The following KNDC1 variants were observed in gnomAD, a reference collection of about 807,000 sequenced individuals.
The protein encoded by KNDC1 is kinase non-catalytic C-lobe domain-containing protein 1.
KNDC1 carries 106 observed loss-of-function variants against 172.8 expected under a neutral mutation model. The observed-to-expected ratio is 0.61, with a 90% CI of 0.52 to 0.72. The LOEUF is 0.72. Ranked by LOEUF, KNDC1 falls within the 30% of genes least tolerant of loss-of-function variation. KNDC1 has a pLI of 0.00. For missense variants in KNDC1, 2,325 were observed against 2,394.5 expected (o/e 0.97, Z 0.61); for synonymous variants, 1,083 against 1,062.2 (o/e 1.02, Z -0.38).
At chr10:133,205,752 T>G (rs1168828343) in intron 17 of KNDC1, among the ~76,000 whole-genome samples, 22 of 152,084 alleles carry the variant, frequency 1.4e-4, no homozygotes, top group Admixed American at 1.4e-3. Context: ...GAGAAATGCT[T>G]GAACCCAGGG....
At chr10:133,205,635 A>G (rs2136010536) in intron 17 of KNDC1, among the ~76,000 whole-genome samples, 1 of 152,360 alleles carries the variant, frequency 6.6e-6, no homozygotes, top group East Asian at 1.9e-4. Flanking sequence ...TCGTCTGCAC[A>G]GGCCAGCTGG....
At position 133,209,743 on chromosome 10, in the gene KNDC1, G is replaced by A. The variant is rs1467354072; in HGVS notation, c.3795-868G>A. ...ACCTTTGCAGGGCAGCCTGGGGCTG[G>A]GGCTGTGGCCACCTGTGTCCTCGGA... On this transcript the variant is annotated intron_variant, in intron 20 of 29. Coordinates refer to ENST00000304613, the MANE Select transcript of KNDC1 (RefSeq NM_152643.8). This position sits in a 1 kb window ranked among gnomAD's most constrained non-coding sequence, Gnocchi z 4.9. Among the ~76,000 whole-genome samples the A allele has an allele frequency of 6.6e-6, 1 of 152,040 alleles. No individual in the cohort carries two copies. Among genetic ancestry groups the A allele is most frequent in the Non-Finnish European group, 1.5e-5 (1 of 67,978 alleles).
At chr10:133,190,209 G>T (rs756828554) in intron 9 of KNDC1, among the ~76,000 whole-genome samples, 1 of 152,080 alleles carries the variant, frequency 6.6e-6, no homozygotes, top group African/African-American at 2.4e-5. Flanking sequence ...TGTACTTCCC[G>T]CTCCTCCCAC....
At chr10:133,199,688 T>C in intron 15 of KNDC1, 86 bp downstream of exon 15, 2 of 1,476,408 alleles carry the variant, frequency 1.4e-6, no homozygotes, top group Non-Finnish European at 1.9e-6. Flanking sequence ...GGCCCAGCCT[T>C]CCCCTCCCAA....
rs778497236 is a variant in KNDC1 at position 133,183,407 on chromosome 10, C to G, written c.424C>G (p.Leu142Val). Residue 142 changes from leucine to valine, a missense_variant, in exon 4 of 30, where the codon CTG (leucine) becomes GTG (valine). Leu to Val is a conservative substitution (Grantham distance 32). Coordinates refer to ENST00000304613, the MANE Select transcript of KNDC1 (RefSeq NM_152643.8). Reference protein sequence around the residue: ...AALEYVAEPTLEPRLSQDLEA... With the variant: ...AALEYVAEPTVEPRLSQDLEA... Reference sequence around the variant, plus strand: ...CCTCGAGTACGTGGCAGAGCCCACACTGGAACCCAGGCTGAGCCAAGACCT... The same window carrying G: ...CCTCGAGTACGTGGCAGAGCCCACAGTGGAACCCAGGCTGAGCCAAGACCT... The G allele has an allele frequency of 1.9e-6, 3 of 1,603,514 alleles. No individual in the cohort carries two copies. The highest frequency in any genetic ancestry group is 1.3e-5 in the African/African-American group (1 of 74,860).
intron 3 of KNDC1, among the ~76,000 whole-genome samples, chr10:133,180,393 G>A (rs1853681604): frequency 6.6e-6 from 1 of 152,244 alleles, no homozygotes; most frequent in Non-Finnish European, 1.5e-5. Context: ...CAGAGACCTG[G>A]AGATGTGAGG....
chr10:133,188,832 G>A (rs1238611565), intron 7 of KNDC1, among the ~76,000 whole-genome samples, 179 bp downstream of exon 7: 2 of 150,894 alleles, frequency 1.3e-5, no homozygotes, highest in Admixed American at 6.6e-5. Flanking sequence ...AGGGACCCAG[G>A]GGCAGCCAGG....
At chr10:133,189,513 AC>A in intron 7 of KNDC1, 84 bp from the exon 8 acceptor site, 1 of 1,332,938 alleles carries the variant, frequency 7.5e-7, no homozygotes, top group East Asian at 2.4e-5. Context: ...GCCCGGCCTG[AC>A]TGAGGCTCCG....
chr10:133,162,971 A>G (rs1426797646), intron 1 of KNDC1, among the ~76,000 whole-genome samples: 1 of 152,232 alleles, frequency 6.6e-6, no homozygotes, highest in African/African-American at 2.4e-5. Context: ...CAGTACAGGC[A>G]AAGAACCACC....
Position 133,224,957 on chromosome 10 carries a change from G to C in KNDC1, c.*67G>C, listed in dbSNP as rs1289227480. 4.6e-5 allele frequency: 61 copies of C among 1,314,550 alleles called. No individual in the cohort carries two copies. The highest frequency in any genetic ancestry group is 6.6e-5 in the Non-Finnish European group (61 of 925,964). The allele number at this position is 1,314,550 out of a possible 1,614,324, so 81.4% of individuals were successfully genotyped here. A position where few individuals can be genotyped will look rare whatever the true frequency, so the allele number is the denominator to read the frequency against. The stretch of plus-strand genomic sequence containing the variant: ...CTGTGGGGGGCGGGCTGGGAGGTGG[G>C]AGCCGCGTCTCAGGCCCGGCCGTTA... On this transcript the variant is annotated 3_prime_UTR_variant, in exon 30 of 30. Transcript: ENST00000304613. The surrounding 1 kb of genome is among the most constrained non-coding windows in gnomAD (Gnocchi z 5.4).
At chr10:133,181,555 A>C (rs1564880966) in intron 3 of KNDC1, among the ~76,000 whole-genome samples, 1 of 152,214 alleles carries the variant, frequency 6.6e-6, no homozygotes, top group Non-Finnish European at 1.5e-5. Flanking sequence ...CTGGTGTGCC[A>C]GGTGGGCTGC....
intron 26 of KNDC1, among the ~76,000 whole-genome samples, chr10:133,216,631 T>C (rs926531226): frequency 6.6e-6 from 1 of 152,026 alleles, no homozygotes; most frequent in African/African-American, 2.4e-5. Flanking sequence ...GAGCTGAGGT[T>C]GCACCACGGC....
intron 3 of KNDC1, among the ~76,000 whole-genome samples, chr10:133,180,414 G>A (rs1853682210): frequency 6.6e-6 from 1 of 152,272 alleles, no homozygotes; most frequent in South Asian, 2.1e-4. Context: ...CTCCGCGGCT[G>A]CAAGGATAGC....
chr10:133,195,542 G>A, intron 9 of KNDC1, 121 bp from the exon 10 acceptor site: 1 of 945,942 alleles, frequency 1.1e-6, no homozygotes, highest in Non-Finnish European at 1.5e-6. Context: ...GGGGTCTTGA[G>A]GAGAGCCCCT....
intron 12 of KNDC1, 107 bp downstream of exon 12, chr10:133,197,875 G>C: frequency 1.1e-6 from 1 of 933,664 alleles, no homozygotes; most frequent in Non-Finnish European, 1.7e-6. Context: ...TCGGAAACCC[G>C]GGAAGCAAGT....
rs117746648 is a variant in KNDC1, at chr10:133,210,601, C to T, written c.3795-10C>T. The T allele has an allele frequency of 0.013, 21,186 of 1,592,412 alleles. 231 individuals carry two copies. Among genetic ancestry groups the T allele is most frequent in the Middle Eastern group, 0.022 (134 of 6,030 alleles). On this transcript the variant is annotated splice_polypyrimidine_tract_variant and intron_variant, in intron 20 of 29. Transcript: ENST00000304613. The stretch of plus-strand genomic sequence containing the variant: ...CCCACCACCTCACCGCCGCCCGCCC[C>T]GCCCCACAGTGATGCCTTCCTGGAG...
At chr10:133,185,379 G>T (rs1272498888) in intron 5 of KNDC1, among the ~76,000 whole-genome samples, 1 of 137,576 alleles carries the variant, frequency 7.3e-6, no homozygotes, top group Non-Finnish European at 1.6e-5. Context: ...GTGTGGAGTA[G>T]GCAGTGTGTA....
intron 21 of KNDC1, 51 bp from the exon 22 acceptor site, chr10:133,211,357 AGCCCCTGGGCCTCT>A: frequency 3.3e-6 from 5 of 1,507,640 alleles, no homozygotes; most frequent in Non-Finnish European, 4.5e-6. Context: ...GCCACATGCA[AGCCCCTGGGCCTCT>A]GCCCCCGACT....
At position 133,186,571 on chromosome 10, in the gene KNDC1, C is replaced by A. The variant is rs1853925331; in HGVS notation, c.1223C>A (p.Ala408Asp). The A allele has an allele frequency of 6.2e-7, 1 of 1,608,454 alleles. No individual in the cohort carries two copies. The highest frequency in any genetic ancestry group is 1.7e-5 in the Admixed American group (1 of 60,002). Residue 408 changes from alanine (A) to aspartate (D), a missense_variant, in exon 6 of 30, where the codon GCC (alanine) becomes GAC (aspartate). Coordinates refer to ENST00000304613, the MANE Select transcript of KNDC1 (RefSeq NM_152643.8). ...CACCCCAGCCAGGGGCCAGCAGAGG[C>A]CCCTGCAGACCCTCGAGATGCTAGC... ...TSHPSQGPAE[A>D]PADPRDASGE... is the part of the protein sequence containing the mutation.
Sources: allele counts gnomAD v4.1 joint callset (sites outside exome capture counted in the v4.1 genomes callset), GRCh38; gene constraint gnomAD v4.1.1; non-coding constraint Gnocchi (gnomAD v3.1); transcripts MANE v1.5; gene names NCBI Gene and HGNC (gene_info 2026-07-23, HGNC 2026-07-21).